Variants in ANXA11 observed in about 807,000 individuals in gnomAD.
ANXA11 encodes the protein 56 kDa autoantigen.
A neutral mutation model predicts 64.7 loss-of-function variants in ANXA11; 57 were observed. The observed-to-expected ratio is 0.88, with a 90% CI of 0.71 to 1.10. ANXA11 has a LOEUF of 1.10. Ranked by LOEUF, ANXA11 falls within the 50% of genes least tolerant of loss-of-function variation. The pLI, the probability that ANXA11 is intolerant of heterozygous loss-of-function variation, is 0.00. For synonymous variants in ANXA11, 260 were observed against 265.2 expected, an observed-to-expected ratio of 0.98 and a Z score of 0.19; for missense variants, 675 against 670.7, an observed-to-expected ratio of 1.01 and a Z score of -0.07.
intron 1 of ANXA11, among the ~76,000 whole-genome samples, chr10:80,191,149 C>T (rs1041617786): frequency 5.4e-4 from 82 of 152,076 alleles, no homozygotes; most frequent in East Asian, 2.0e-4. Context: ...TACTTGAACC[C>T]GGGAGGTGGA....
At chr10:80,180,499 C>A (rs1846315226) in intron 1 of ANXA11, among the ~76,000 whole-genome samples, 1 of 149,420 alleles carries the variant, frequency 6.7e-6, no homozygotes, top group Non-Finnish European at 1.5e-5. Context: ...TCATCTCGGG[C>A]CAGAAGCCAC....
chr10:80,159,314 A>G, intron 12 of ANXA11, 119 bp from the exon 13 acceptor site: 1 of 783,442 alleles, frequency 1.3e-6, no homozygotes, highest in South Asian at 1.6e-5. Context: ...AAGATCTTTA[A>G]AGAGGTAATT....
Position 80,166,235 on chromosome 10 carries a change from A to G in ANXA11, c.745-38T>C, listed in dbSNP as rs760877238. On this transcript the variant is annotated intron_variant, in intron 7 of 15. Transcript: ENST00000422982. ...TCAAACAAACAACCAACAAAAAAAA[A>G]AACAAGTCTATTTAAAAAATCCACA... is the stretch of plus-strand genomic sequence containing the variant. 7 of 1,294,136 alleles carry G rather than the reference A, an allele frequency of 5.4e-6. No homozygotes were observed. The African/African-American group carries it at 1.0e-4, about 19-fold the overall frequency. 80.2% of individuals were successfully genotyped at this position (1,294,136 alleles called of 1,614,324 possible).
At position 80,156,034 on chromosome 10, in the gene ANXA11, T is replaced by C. The variant is rs2789687; in HGVS notation, c.1459-122A>G. ...GAAAGCCCCACCCTGGGGAATTTTC[T>C]CCCACTGCAGGTCCTGCAGCAGGCG... On this transcript the variant is annotated intron_variant, in intron 15 of 15. Transcript: ENST00000422982. 952,164 of 1,006,106 alleles carry C rather than the reference T, an allele frequency of 0.95. 450,783 individuals carry two copies. Among genetic ancestry groups the C allele is most frequent in the East Asian group, 1 (41,589 of 41,596 alleles). 62.3% of individuals were successfully genotyped at this position (1,006,106 alleles called of 1,614,324 possible). A position where few individuals can be genotyped will look rare whatever the true frequency, so the allele number is the denominator to read the frequency against.
Position 80,166,391 on chromosome 10 carries a change from G to T in ANXA11, c.745-194C>A, listed in dbSNP as rs1362356456. On this transcript the variant is annotated intron_variant, in intron 7 of 15. Coordinates refer to ENST00000422982, the MANE Select transcript of ANXA11 (RefSeq NM_145868.2). The stretch of plus-strand genomic sequence containing the variant: ...CAAATCAGAGACCACATTTTACCAA[G>T]ATGCCCAGGGGATCGGTGACACAAT... 7 of 553,686 alleles carry T rather than the reference G, an allele frequency of 1.3e-5. No homozygotes were observed. In the Admixed American group the frequency reaches 1.3e-4, roughly 10 times the overall value. 34.3% of individuals were successfully genotyped at this position (553,686 alleles called of 1,614,324 possible). A position where few individuals can be genotyped will look rare whatever the true frequency, so the allele number is the denominator to read the frequency against.
intron 12 of ANXA11, 57 bp from the exon 13 acceptor site, chr10:80,159,252 T>C (rs1845411598): frequency 1.4e-6 from 2 of 1,415,246 alleles, no homozygotes; most frequent in South Asian, 1.2e-5. Flanking sequence ...CCAAAGTTCA[T>C]ATGTGGAAGT....
At chr10:80,167,133 G>A (rs954850595) in intron 6 of ANXA11, 93 bp downstream of exon 6, 32 of 1,377,270 alleles carry the variant, frequency 2.3e-5, no homozygotes, top group African/African-American at 9.9e-5. Flanking sequence ...CCAGGTCAGC[G>A]TCCCCCAGCT....
At chr10:80,199,299 G>A (rs1025288289) in intron 1 of ANXA11, among the ~76,000 whole-genome samples, 3 of 151,878 alleles carry the variant, frequency 2.0e-5, no homozygotes, top group East Asian at 1.9e-4. Flanking sequence ...GGATTTCACC[G>A]TGTTAGCCAG....
intron 1 of ANXA11, among the ~76,000 whole-genome samples, chr10:80,193,465 T>C (rs1212667280): frequency 6.6e-6 from 1 of 152,150 alleles, no homozygotes; most frequent in Non-Finnish European, 1.5e-5. Flanking sequence ...TAAAATATTT[T>C]TACAATATAG....
chr10:80,157,698 CAGG>C lies in ANXA11; in HGVS notation c.1398_1400del (p.Leu467del), dbSNP rs1845329681. ...TCCGCTTATACTCTGATCTGATGTC[CAGG>C]AGGTCGGTCTCGCTGCGAGACACCA... is the stretch of plus-strand genomic sequence containing the variant. On this transcript the variant is annotated inframe_deletion, in exon 15 of 16. Coordinates refer to ENST00000422982, the MANE Select transcript of ANXA11 (RefSeq NM_145868.2). The C allele has an allele frequency of 1.2e-6, 2 of 1,613,838 alleles. No homozygotes were observed. The highest frequency in any genetic ancestry group is 1.7e-5 in the Admixed American group (1 of 59,982).
intron 3 of ANXA11, chr10:80,171,707 G>C (rs895074393): frequency 1.0e-6 from 1 of 985,440 alleles, no homozygotes; most frequent in African/African-American, 1.7e-5. Context: ...GCTTCGGATC[G>C]GCTCTTCATC....
intron 3 of ANXA11, chr10:80,171,322 C>T (rs938620270): frequency 3.2e-6 from 3 of 930,172 alleles, no homozygotes; most frequent in East Asian, 1.1e-4. Context: ...TTCAGTAATG[C>T]GAAGGCACTG....
intron 8 of ANXA11, 72 bp from the exon 9 acceptor site, chr10:80,164,215 G>T: frequency 8.0e-7 from 1 of 1,249,834 alleles, no homozygotes. Context: ...GAAGAAGGGT[G>T]GGGGCTACGC....
chr10:80,155,784 C>A lies in ANXA11; in HGVS notation c.*69G>T. On this transcript the variant is annotated 3_prime_UTR_variant, in exon 16 of 16. Transcript: ENST00000422982. ...TATTTGTGGATTTGTTAGAAACAGA[C>A]ATTCTTTTGGCCTTTTCCTGGCACT... 7.0e-7 allele frequency: 1 copy of A among 1,425,196 alleles called. No homozygotes were observed. Among genetic ancestry groups the A allele is most frequent in the Non-Finnish European group, 9.9e-7 (1 of 1,008,912 alleles). 88.3% of individuals were successfully genotyped at this position (1,425,196 alleles called of 1,614,324 possible). A position where few individuals can be genotyped will look rare whatever the true frequency, so the allele number is the denominator to read the frequency against.
Position 80,178,563 on chromosome 10 carries a change from A to G in ANXA11, c.-57-2408T>C, listed in dbSNP as rs187888917. Among the ~76,000 whole-genome samples the G allele has an allele frequency of 1.4e-3, 216 of 152,338 alleles. 2 individuals are homozygous for G. The highest frequency in any genetic ancestry group is 0.011 in the Admixed American group (167 of 15,308). Reference sequence around the variant, plus strand: ...TTCCTCACTGCGACCATCCACCTGCAGCTGTGCACCTGATTTCATCCAGCT... The same window carrying G: ...TTCCTCACTGCGACCATCCACCTGCGGCTGTGCACCTGATTTCATCCAGCT... On this transcript the variant is annotated intron_variant, in intron 1 of 15. Coordinates refer to ENST00000422982, the MANE Select transcript of ANXA11 (RefSeq NM_145868.2).
At chr10:80,164,460 C>A (rs951336404) in intron 8 of ANXA11, among the ~76,000 whole-genome samples, 1 of 152,170 alleles carries the variant, frequency 6.6e-6, no homozygotes, top group Non-Finnish European at 1.5e-5. Flanking sequence ...AAAATGTGGA[C>A]CGAGGCCTGC....
chr10:80,188,297 A>T (rs993645134), intron 1 of ANXA11, among the ~76,000 whole-genome samples: 1 of 151,830 alleles, frequency 6.6e-6, no homozygotes, highest in African/African-American at 2.4e-5. Flanking sequence ...CACTGCTGCT[A>T]GGCCACTGGG....
chr10:80,170,370 A>G (rs1845922702), intron 4 of ANXA11, among the ~76,000 whole-genome samples: 1 of 152,256 alleles, frequency 6.6e-6, no homozygotes. Flanking sequence ...ACAAATTTAA[A>G]AAGTAGCATG....
intron 2 of ANXA11, among the ~76,000 whole-genome samples, chr10:80,175,727 C>T (rs1046420259): frequency 1.3e-5 from 2 of 152,238 alleles, no homozygotes; most frequent in South Asian, 2.1e-4. Context: ...AGATGCTCAC[C>T]TTCACCAATG....
Sources: gnomAD v4.1 joint callset for allele counts (sites outside exome capture counted in the v4.1 genomes callset) on GRCh38, gnomAD v4.1.1 for gene constraint, MANE v1.5 for transcripts, NCBI Gene and HGNC (gene_info 2026-07-23, HGNC 2026-07-21) for gene names.